Variants in UGT1A7 observed in about 807,000 individuals in gnomAD.
The protein encoded by UGT1A7 is UDP glucuronosyltransferase family 1 member A7, also known as UDP-glucuronosyltransferase 1A7.
UGT1A7 carries 33 observed loss-of-function variants against 45.6 expected under a neutral mutation model. That is an observed-to-expected ratio of 0.72 (90% CI 0.55 to 0.97). The LOEUF (loss-of-function observed/expected upper bound fraction) is 0.97, where lower values mean the gene tolerates loss of function less well. Among genes scored for constraint, UGT1A7 ranks in the 50% least tolerant of loss-of-function variants. UGT1A7 has a pLI of 0.00. For synonymous variants in UGT1A7, 274 were observed against 250.6 expected (o/e 1.09, Z -0.88); for missense variants, 684 against 666.2 (o/e 1.03, Z -0.29).
At chr2:233,715,490 T>TG (rs1472683316) in intron 1 of UGT1A7, among the ~76,000 whole-genome samples, 1 of 152,172 alleles carries the variant, frequency 6.6e-6, no homozygotes, top group African/African-American at 2.4e-5. Flanking sequence ...AAATGATTTG[T>TG]GTGCAAGTGG....
intron 1 of UGT1A7, chr2:233,713,838 A>G (rs919092029): frequency 6.2e-7 from 1 of 1,613,974 alleles, no homozygotes. Context: ...CAACTGTGCC[A>G]ACGGGAAGCC....
intron 1 of UGT1A7, among the ~76,000 whole-genome samples, chr2:233,690,245 A>G (rs1435694166): frequency 6.6e-6 from 1 of 152,202 alleles, no homozygotes; most frequent in Non-Finnish European, 1.5e-5. Context: ...CAAATTTCTT[A>G]TTTTAAGTCT....
chr2:233,695,179 G>A (rs2075270540), intron 1 of UGT1A7, among the ~76,000 whole-genome samples: 1 of 147,376 alleles, frequency 6.8e-6, no homozygotes, highest in Non-Finnish European at 1.5e-5. Flanking sequence ...AGGCTGGAGT[G>A]CAGTGGTGCG....
In UGT1A7 at chr2:233,729,854, T is replaced by C. The variant is rs773168395; in HGVS notation, c.856-37180T>C. The C allele has an allele frequency of 2.5e-6, 4 of 1,613,682 alleles. No homozygotes were observed. In the African/African-American group the frequency reaches 5.3e-5, roughly 22 times the overall value. On this transcript the variant is annotated intron_variant, in intron 1 of 4. Transcript: ENST00000373426. ...GCCTCTGAGCTTTTTCAGAGAGAGGTGTCAGTGGTGGATATTCTCAGTCAT... is the reference window on the plus strand; with the variant it reads ...GCCTCTGAGCTTTTTCAGAGAGAGGCGTCAGTGGTGGATATTCTCAGTCAT...
chr2:233,746,343 T>C (rs754584416), intron 1 of UGT1A7, among the ~76,000 whole-genome samples: 11 of 151,756 alleles, frequency 7.2e-5, no homozygotes, highest in Non-Finnish European at 1.6e-4. Context: ...TGGACATGTT[T>C]ATGTTGCTCC....
intron 1 of UGT1A7, chr2:233,760,526 C>T (rs2125985458): frequency 3.7e-6 from 6 of 1,614,242 alleles, no homozygotes; most frequent in Non-Finnish European, 5.1e-6. Context: ...AAGACGTACC[C>T]TGTGCCATTC....
chr2:233,745,571 G>A (rs1471928952), intron 1 of UGT1A7, among the ~76,000 whole-genome samples: 1 of 151,668 alleles, frequency 6.6e-6, no homozygotes, highest in African/African-American at 2.4e-5. Flanking sequence ...ATAGCCTCTA[G>A]TGACATAACC....
At chr2:233,753,441 T>A (rs1695206490) in intron 1 of UGT1A7, 2 of 152,230 alleles carry the variant, frequency 1.3e-5, no homozygotes, top group African/African-American at 4.8e-5. Flanking sequence ...GTTAATGATG[T>A]GTTCAGGCCA....
chr2:233,743,469 A>T, intron 1 of UGT1A7: 3 of 1,366,764 alleles, frequency 2.2e-6, no homozygotes, highest in Non-Finnish European at 2.9e-6. Flanking sequence ...CACCCCCAAA[A>T]GCTGGAAATT....
chr2:233,682,609 C>T lies in UGT1A7; in HGVS notation c.672C>T (p.Phe224=), dbSNP rs367786048. 1 of 1,613,626 alleles carries T rather than the reference C, an allele frequency of 6.2e-7. No individual in the cohort carries two copies. Among genetic ancestry groups the T allele is most frequent in the Non-Finnish European group, 8.5e-7 (1 of 1,179,792 alleles). The change falls in exon 1 of 5, where the codon TTC becomes TTT. Residue 224 remains phenylalanine, a synonymous_variant. Transcript: ENST00000373426. ...LEEHLFCPYF[F]KNVLEIASEI... ...AACATTTATTTTGCCCCTATTTTTT[C>T]AAAAATGTCTTAGAAATAGCCTCTG...
At chr2:233,745,498 TCC>T (rs1294393562) in intron 1 of UGT1A7, among the ~76,000 whole-genome samples, 2 of 151,620 alleles carry the variant, frequency 1.3e-5, no homozygotes, top group Non-Finnish European at 2.9e-5. Flanking sequence ...TTCTAAGATT[TCC>T]TATAGGGTAT....
Position 233,768,357 on chromosome 2 carries a change from G to A in UGT1A7, c.1213G>A (p.Gly405Arg). Residue 405 changes from glycine (G) to arginine (R), a missense_variant, in exon 4 of 5, where the codon GGA becomes AGA. By Grantham distance (125) the Gly-to-Arg change is moderately radical. Transcript: ENST00000373426. ...CAATGCAAAGCGCATGGAGACTAAG[G>A]GAGCTGGAGTGACCCTGAATGTTCT... ...MDNAKRMETK[G>R]AGVTLNVLEM... 6 of 1,614,142 alleles carry A rather than the reference G, an allele frequency of 3.7e-6. No homozygotes were observed. The highest frequency in any genetic ancestry group is 5.1e-6 in the Non-Finnish European group (6 of 1,180,032).
chr2:233,712,907 A>C, intron 1 of UGT1A7: 1 of 1,610,566 alleles, frequency 6.2e-7, no homozygotes, highest in Non-Finnish European at 8.5e-7. Flanking sequence ...TAGGTGTCTC[A>C]GTGACAAGGT....
At chr2:233,761,264 T>G in intron 1 of UGT1A7, 1 of 1,597,186 alleles carries the variant, frequency 6.3e-7, no homozygotes, top group Non-Finnish European at 8.5e-7. Flanking sequence ...TAATTTAAAA[T>G]GCCCTCTTTT....
chr2:233,704,781 G>T (rs989120874), intron 1 of UGT1A7, among the ~76,000 whole-genome samples: 3 of 152,050 alleles, frequency 2.0e-5, no homozygotes, highest in Admixed American at 6.5e-5. Context: ...ATATGTTATA[G>T]TCCCAACAAT....
intron 1 of UGT1A7, among the ~76,000 whole-genome samples, chr2:233,698,915 G>A (rs1262646968): frequency 6.6e-6 from 1 of 152,234 alleles, no homozygotes; most frequent in African/African-American, 2.4e-5. Context: ...AAGGAGGGAC[G>A]TGGCCGTCTC....
chr2:233,696,004 G>A (rs1283289203), intron 1 of UGT1A7, among the ~76,000 whole-genome samples: 1 of 152,002 alleles, frequency 6.6e-6, no homozygotes, highest in East Asian at 1.9e-4. Flanking sequence ...ATAGCATCAG[G>A]TCCCACAGAC....
chr2:233,693,795 C>T (rs1559346736), intron 1 of UGT1A7: 1 of 1,614,186 alleles, frequency 6.2e-7, no homozygotes, highest in East Asian at 2.2e-5. Flanking sequence ...CTTGAATATC[C>T]TAGGCCGGTC....
chr2:233,768,152 A>G, intron 3 of UGT1A7, 68 bp from the exon 4 acceptor site: 1 of 1,612,626 alleles, frequency 6.2e-7, no homozygotes, highest in Non-Finnish European at 8.5e-7. Flanking sequence ...TGTTTTCAGA[A>G]CCTAGATGTG....
Sources: allele counts gnomAD v4.1 joint callset (sites outside exome capture counted in the v4.1 genomes callset), GRCh38; gene constraint gnomAD v4.1.1; transcripts MANE v1.5; gene names NCBI Gene and HGNC (gene_info 2026-07-23, HGNC 2026-07-21).